Variants in SWAP70 observed in about 807,000 individuals in gnomAD.
SWAP70 encodes switching B cell complex subunit SWAP70, also known as switch-associated protein 70.
A neutral mutation model predicts 80.2 loss-of-function variants in SWAP70; 34 were observed. The ratio of observed to expected loss-of-function variants is 0.42; its 90% CI spans 0.32 to 0.56. SWAP70 has a LOEUF of 0.56. Among genes scored for constraint, SWAP70 ranks in the 20% least tolerant of loss-of-function variants. The pLI, the probability that SWAP70 is intolerant of heterozygous loss-of-function variation, is 0.09. For synonymous variants in SWAP70, 239 were observed against 238.5 expected (o/e 1.00, Z -0.02); for missense variants, 578 against 690.7 (o/e 0.84, Z 1.83).
intron 7 of SWAP70, among the ~76,000 whole-genome samples, chr11:9,736,867 A>C (rs1851369748): frequency 6.6e-6 from 1 of 152,104 alleles, no homozygotes; most frequent in South Asian, 2.1e-4. Flanking sequence ...ACTTGTTCCT[A>C]CTACATGAGA....
chr11:9,742,082 C>T (rs1449652323), intron 9 of SWAP70: 1 of 151,290 alleles, frequency 6.6e-6, no homozygotes, highest in East Asian at 1.9e-4. Flanking sequence ...TCAAAAAAAA[C>T]ACAAAACAAC....
At chr11:9,675,346 CGAG>C (rs1850478389) in intron 1 of SWAP70, among the ~76,000 whole-genome samples, 1 of 8,402 alleles carries the variant, frequency 1.2e-4, no homozygotes, top group Non-Finnish European at 4.0e-4. Context: ...AGAGAGGGAG[CGAG>C]AGAGAGAGAG....
intron 1 of SWAP70, among the ~76,000 whole-genome samples, chr11:9,687,353 G>A (rs1270021192): frequency 1.3e-5 from 2 of 152,112 alleles, no homozygotes; most frequent in Admixed American, 1.3e-4. Flanking sequence ...AAAGTTAAAG[G>A]TCCCAGGAGT....
Position 9,728,173 on chromosome 11 carries a change from C to A in SWAP70, c.763C>A (p.Leu255Ile). ...TCTGAAGGATAAGAAAGGAGACATT[C>A]TCTTGGATGAAAATTGCTGTGTAGA... ...EDLKDKKGDI[L>I]LDENCCVESL... The change falls in exon 5 of 12, where the codon CTC (leucine) becomes ATC (isoleucine). Residue 255 changes from leucine (L) to isoleucine (I), a missense_variant. Transcript: ENST00000318950. 1.2e-6 allele frequency: 2 copies of A among 1,611,508 alleles called. No homozygotes were observed. The highest frequency in any genetic ancestry group is 1.7e-6 in the Non-Finnish European group (2 of 1,179,118).
intron 4 of SWAP70, among the ~76,000 whole-genome samples, chr11:9,727,338 C>G (rs375725975): frequency 4.6e-5 from 7 of 152,068 alleles, no homozygotes; most frequent in Non-Finnish European, 8.8e-5. Context: ...TGCAGTGAGC[C>G]GAGATTGCAC....
chr11:9,665,288 G>A (rs1012361836), intron 1 of SWAP70, among the ~76,000 whole-genome samples: 1 of 152,252 alleles, frequency 6.6e-6, no homozygotes, highest in African/African-American at 2.4e-5. Flanking sequence ...ATGCCAGTAG[G>A]ACTTAACATT....
At chr11:9,687,716 C>T (rs1366882338) in intron 1 of SWAP70, among the ~76,000 whole-genome samples, 2 of 152,136 alleles carry the variant, frequency 1.3e-5, no homozygotes, top group East Asian at 1.9e-4. Context: ...CTTAATCTGT[C>T]TGTAAGTGTT....
chr11:9,671,433 A>T (rs1352795664), intron 1 of SWAP70, among the ~76,000 whole-genome samples: 7 of 98,320 alleles, frequency 7.1e-5, no homozygotes, highest in South Asian at 3.5e-4. Flanking sequence ...TATATATATA[A>T]ATATATAAAA....
chr11:9,696,726 T>C (rs565559046), intron 2 of SWAP70, among the ~76,000 whole-genome samples: 11 of 152,334 alleles, frequency 7.2e-5, no homozygotes, highest in African/African-American at 2.6e-4. Flanking sequence ...ATGAAAGTAA[T>C]CATTTATATC....
intron 7 of SWAP70, among the ~76,000 whole-genome samples, chr11:9,734,912 A>C (rs1851344717): frequency 6.6e-6 from 1 of 152,186 alleles, no homozygotes; most frequent in Admixed American, 6.5e-5. Flanking sequence ...GGAATGAGGC[A>C]CCATGCCCAG....
chr11:9,731,683 G>A (rs1311074079), intron 6 of SWAP70, among the ~76,000 whole-genome samples: 1 of 152,198 alleles, frequency 6.6e-6, no homozygotes, highest in Non-Finnish European at 1.5e-5. Context: ...CTGAGGGTCA[G>A]AAGAGTGTGT....
intron 1 of SWAP70, chr11:9,681,284 A>G (rs1177772799): frequency 6.6e-6 from 1 of 152,240 alleles, no homozygotes; most frequent in Non-Finnish European, 1.5e-5. Flanking sequence ...GAAAGGAAAT[A>G]CTGTGAGTGG....
In SWAP70 at chr11:9,694,149, CT is replaced by C; in HGVS notation, c.106del (p.Ser36ProfsTer8). The C allele has an allele frequency of 6.3e-7, 1 of 1,589,872 alleles. No homozygotes were observed. The highest frequency in any genetic ancestry group is 8.5e-7 in the Non-Finnish European group (1 of 1,169,670). ...GKVSKSQLKV[L>X]SHNLCTVLKV... ...ACGATTTTCTTTTCCCTTGCAGGTC[CT>C]TTCCCATAACCTGTGCACGGTGCTG... On this transcript the variant is annotated frameshift_variant, in exon 2 of 12. Transcript: ENST00000318950. LOFTEE classifies it high-confidence loss of function.
At chr11:9,736,642 C>T (rs1264641346) in intron 7 of SWAP70, among the ~76,000 whole-genome samples, 2 of 152,096 alleles carry the variant, frequency 1.3e-5, no homozygotes, top group African/African-American at 4.8e-5. Context: ...CACAGTCACC[C>T]TGCGAAGACC....
chr11:9,711,954 C>A (rs1453789080), intron 2 of SWAP70, among the ~76,000 whole-genome samples: 1 of 152,208 alleles, frequency 6.6e-6, no homozygotes, highest in Non-Finnish European at 1.5e-5. Context: ...TCCAAACTAA[C>A]CATGCTTGCC....
chr11:9,688,137 GTTAATA>G (rs917498671), intron 1 of SWAP70, among the ~76,000 whole-genome samples: 1 of 152,202 alleles, frequency 6.6e-6, no homozygotes, highest in African/African-American at 2.4e-5. Flanking sequence ...TAAGATTATT[GTTAATA>G]TTAAAGTATC....
chr11:9,729,580 C>T, intron 6 of SWAP70, 129 bp downstream of exon 6: 2 of 679,444 alleles, frequency 2.9e-6, no homozygotes, highest in Non-Finnish European at 5.2e-6. Flanking sequence ...CTTACTGCAA[C>T]CTCCACCTCC....
chr11:9,731,814 G>C (rs1456091895), intron 6 of SWAP70, among the ~76,000 whole-genome samples: 1 of 152,146 alleles, frequency 6.6e-6, no homozygotes, highest in Non-Finnish European at 1.5e-5. Context: ...GTGGGGAGGG[G>C]AATCTAGTAC....
At chr11:9,708,609 T>C (rs919558351) in intron 2 of SWAP70, among the ~76,000 whole-genome samples, 5 of 152,218 alleles carry the variant, frequency 3.3e-5, no homozygotes, top group Non-Finnish European at 5.9e-5. Flanking sequence ...TTTGGTCTTA[T>C]ATTTGCTTTT....
Sources: allele counts gnomAD v4.1 joint callset (sites outside exome capture counted in the v4.1 genomes callset), GRCh38; gene constraint gnomAD v4.1.1; transcripts MANE v1.5; gene names NCBI Gene and HGNC (gene_info 2026-07-23, HGNC 2026-07-21).